Variants in USP9X observed in about 807,000 individuals in gnomAD.
USP9X encodes ubiquitin specific peptidase 9 X-linked, also known as ubiquitin carboxyl-terminal hydrolase 9X.
USP9X carries 7 observed loss-of-function variants against 190.3 expected under a neutral mutation model. The observed-to-expected ratio is 0.04, with a 90% confidence interval of 0.02 to 0.07. The LOEUF is 0.07. Ranked by LOEUF, USP9X falls within the 10% of genes least tolerant of loss-of-function variation. The pLI, the probability that USP9X is intolerant of heterozygous loss-of-function variation, is 1.00. For synonymous variants in USP9X, 645 were observed against 659.5 expected, an observed-to-expected ratio of 0.98 and a Z score of 0.34; for missense variants, 1,010 against 1,916.9, an observed-to-expected ratio of 0.53 and a Z score of 8.83.
chrX:41,223,475 T>C, intron 39 of USP9X, 73 bp downstream of exon 39: 2 of 1,095,014 alleles, frequency 1.8e-6, no homozygotes. Context: ...TTTGCTGTTG[T>C]TGCCCAGGCT....
intron 35 of USP9X, among the ~76,000 whole-genome samples, chrX:41,216,984 C>A (rs1487528862): frequency 9.0e-6 from 1 of 111,073 alleles, no homozygotes; most frequent in East Asian, 2.8e-4. Flanking sequence ...ATCGCTTGAA[C>A]CTGGGAGGTG....
chrX:41,129,264 G>T lies in USP9X; in HGVS notation c.242+119G>T, dbSNP rs746934466. ...GCTTTATAACCCATGATTCTTAATA[G>T]ATTTAATAAATGAAAGGGAGTGACA... On this transcript the variant is annotated intron_variant, in intron 3 of 44. Transcript: ENST00000378308. 1.9e-5 allele frequency: 14 copies of T among 721,056 alleles called. No homozygotes were observed. In the African/African-American group the frequency reaches 2.9e-4, roughly 15 times the overall value. The allele number at this position is 721,056 out of a possible 1,213,427, so 59.4% of individuals were successfully genotyped here.
chrX:41,109,994 C>G (rs2062097011), intron 1 of USP9X, among the ~76,000 whole-genome samples: 2 of 111,662 alleles, frequency 1.8e-5, no homozygotes, highest in African/African-American at 6.5e-5. Context: ...AAATAACTTA[C>G]TGTATTTCAG....
chrX:41,170,399 A>AT (rs1323024523), intron 19 of USP9X, 71 bp from the exon 20 acceptor site: 1 of 1,144,370 alleles, frequency 8.7e-7, no homozygotes, highest in Admixed American at 2.4e-5. Flanking sequence ...TGGTTGGTAT[A>AT]TCACTAAGTT....
rs1240328041 is a variant in USP9X, at chrX:41,210,470, A to G, written c.5016-39A>G. 3 of 1,172,464 alleles carry G rather than the reference A, an allele frequency of 2.6e-6. No homozygotes were observed. In the East Asian group the frequency reaches 9.0e-5, roughly 35 times the overall value. ...TATAGTTGTACATATTGTTCTGTGAATGTTACATGTTACATGTTTTATTTC... is the reference window on the plus strand; with the variant it reads ...TATAGTTGTACATATTGTTCTGTGAGTGTTACATGTTACATGTTTTATTTC... On this transcript the variant is annotated intron_variant, in intron 32 of 44. Coordinates refer to ENST00000378308, the MANE Select transcript of USP9X (RefSeq NM_001039591.3).
At chrX:41,110,158 C>G (rs1262189158) in intron 1 of USP9X, among the ~76,000 whole-genome samples, 1 of 111,211 alleles carries the variant, frequency 9.0e-6, no homozygotes, top group Non-Finnish European at 1.9e-5. Context: ...GCCTCAAACT[C>G]CTGGGCTCAA....
chrX:41,108,406 C>G (rs994603938), intron 1 of USP9X, among the ~76,000 whole-genome samples: 15 of 111,566 alleles, frequency 1.3e-4, no homozygotes, highest in African/African-American at 4.9e-4. Flanking sequence ...AATTCTCATG[C>G]TTTCCAGGGG....
chrX:41,210,869 CTT>C (rs1422978290), intron 33 of USP9X, among the ~76,000 whole-genome samples, 187 bp downstream of exon 33: 3 of 111,545 alleles, frequency 2.7e-5, no homozygotes, highest in African/African-American at 6.5e-5. Context: ...TGTCAGTTAA[CTT>C]TTAGTTCCTT....
intron 26 of USP9X, chrX:41,195,950 G>T: frequency 2.4e-6 from 1 of 417,502 alleles, no homozygotes; most frequent in Non-Finnish European, 4.4e-6. Flanking sequence ...TTGTAGTAGA[G>T]CATTTGGTAT....
At chrX:41,156,903 G>A (rs189142217) in intron 14 of USP9X, among the ~76,000 whole-genome samples, 155 of 111,742 alleles carry the variant, frequency 1.4e-3, no homozygotes, top group South Asian at 0.011. Context: ...CAAGTCACAG[G>A]ATGAGCAACC....
chrX:41,202,193 G>C (rs746954219), intron 31 of USP9X, among the ~76,000 whole-genome samples: 20 of 111,880 alleles, frequency 1.8e-4, no homozygotes, highest in Non-Finnish European at 3.4e-4. Flanking sequence ...ATTTCCCTTA[G>C]ATCATAGCTC....
At chrX:41,124,135 T>C (rs1329459195) in intron 2 of USP9X, among the ~76,000 whole-genome samples, 1 of 110,624 alleles carries the variant, frequency 9.0e-6, no homozygotes, top group East Asian at 2.8e-4. Flanking sequence ...GCAACTGTTA[T>C]TTTAAGTTTT....
At position 41,196,352 on chromosome X, in the gene USP9X, T is replaced by C; in HGVS notation, c.4079T>C (p.Val1360Ala). The stretch of plus-strand genomic sequence containing the variant: ...TTCTTCATTACTCTACTCTTTACTG[T>C]TTTGGGGGTGAGACTTTTTAAAATA... The part of the protein sequence containing the change: ...LLFFITLLFT[V>A]LGSTARERAK... Residue 1360 changes from valine (V) to alanine (A), a missense_variant, in exon 27 of 45, where the codon GTT becomes GCT. Coordinates refer to ENST00000378308, the MANE Select transcript of USP9X (RefSeq NM_001039591.3). 8.3e-7 allele frequency: 1 copy of C among 1,206,521 alleles called. No individual in the cohort carries two copies. Among genetic ancestry groups the C allele is most frequent in the Non-Finnish European group, 1.1e-6 (1 of 892,081 alleles).
At chrX:41,093,511 A>G (rs983015446) in intron 1 of USP9X, among the ~76,000 whole-genome samples, 1 of 111,435 alleles carries the variant, frequency 9.0e-6, no homozygotes, top group African/African-American at 3.3e-5. Flanking sequence ...CACCCAGCTA[A>G]TTTTGTATTT....
intron 23 of USP9X, 108 bp downstream of exon 23, chrX:41,184,783 G>A: frequency 1.5e-6 from 1 of 682,181 alleles, no homozygotes; most frequent in Admixed American, 4.1e-5. Flanking sequence ...AATGTTCAAA[G>A]TGCCTTATTT....
At chrX:41,108,999 C>T (rs1359667831) in intron 1 of USP9X, among the ~76,000 whole-genome samples, 1 of 111,372 alleles carries the variant, frequency 9.0e-6, no homozygotes, top group Non-Finnish European at 1.9e-5. Context: ...CCTTTACCTC[C>T]TGGGGAGATA....
intron 26 of USP9X, 106 bp downstream of exon 26, chrX:41,189,581 G>A: frequency 1.3e-6 from 1 of 753,905 alleles, no homozygotes; most frequent in African/African-American, 2.1e-5. Context: ...TGTCTCTATG[G>A]CATATTGGTA....
At position 41,099,915 on chromosome X, in the gene USP9X, C is replaced by T. The variant is rs189018501; in HGVS notation, c.-159+13806C>T. On this transcript the variant is annotated intron_variant, in intron 1 of 44. Coordinates refer to ENST00000378308, the MANE Select transcript of USP9X (RefSeq NM_001039591.3). The stretch of plus-strand genomic sequence containing the variant: ...GAAGTCTTTAATAGATACTCTCTAC[C>T]CTCTTCTAATTTACTCCCTTTCCAA... 4.1e-4 allele frequency among the ~76,000 whole-genome samples: 46 copies of T among 111,506 alleles called. 1 individual carries two copies. Among genetic ancestry groups the T allele is most frequent in the East Asian group, 1.1e-3 (4 of 3,569 alleles).
chrX:41,173,011 G>A (rs1326715324), intron 21 of USP9X, among the ~76,000 whole-genome samples: 2 of 111,628 alleles, frequency 1.8e-5, no homozygotes, highest in African/African-American at 3.3e-5. Context: ...TTCCTCAGTT[G>A]AGAGAGATTT....
Sources: gnomAD v4.1 joint callset for allele counts (sites outside exome capture counted in the v4.1 genomes callset) on GRCh38, gnomAD v4.1.1 for gene constraint, MANE v1.5 for transcripts, NCBI Gene and HGNC (gene_info 2026-07-23, HGNC 2026-07-21) for gene names.